AOPEP: variants seen among roughly 807,000 people sequenced by gnomAD.
The protein encoded by AOPEP is aminopeptidase O.
A neutral mutation model predicts 98.1 loss-of-function variants in AOPEP; 77 were observed. The ratio of observed to expected loss-of-function variants is 0.78; its 90% CI spans 0.65 to 0.95. The LOEUF is 0.95. AOPEP is among the 40% of genes least tolerant of loss of function. AOPEP has a pLI of 0.00. For missense variants in AOPEP, 1,024 were observed against 1,024.7 expected (o/e 1.00, Z 0.01); for synonymous variants, 346 against 365.3 (o/e 0.95, Z 0.60).
chr9:94,914,006 T>G (rs1340264275), intron 5 of AOPEP, among the ~76,000 whole-genome samples: 2 of 152,356 alleles, frequency 1.3e-5, no homozygotes, highest in East Asian at 3.9e-4. Flanking sequence ...AAGGGTTTGC[T>G]AAATCATCTT....
chr9:94,742,330 C>T (rs1253441632), intron 1 of AOPEP, among the ~76,000 whole-genome samples: 1 of 152,096 alleles, frequency 6.6e-6, no homozygotes, highest in Non-Finnish European at 1.5e-5. Context: ...GAGCTGTGCT[C>T]CTTGATGAGT....
chr9:94,858,132 A>G (rs1016333246), intron 5 of AOPEP, among the ~76,000 whole-genome samples: 1 of 151,810 alleles, frequency 6.6e-6, no homozygotes, highest in Admixed American at 6.6e-5. Context: ...TAATTGTTAC[A>G]TCGTTTTGTC....
intron 13 of AOPEP, among the ~76,000 whole-genome samples, chr9:95,016,144 C>T (rs1191128269): frequency 6.6e-6 from 1 of 151,288 alleles, no homozygotes; most frequent in African/African-American, 2.4e-5. Context: ...TTTTTTTTTC[C>T]CCCCACGGTA....
chr9:95,089,908 G>A (rs988341432), downstream of AOPEP, among the ~76,000 whole-genome samples: 1 of 152,212 alleles, frequency 6.6e-6, no homozygotes, highest in Non-Finnish European at 1.5e-5. Context: ...ACAAGCCAGC[G>A]CCTCCACTGA....
chr9:94,906,482 T>TAATAATAATAA (rs1367536683), intron 5 of AOPEP, among the ~76,000 whole-genome samples: 1 of 95,380 alleles, frequency 1.0e-5, no homozygotes, highest in Non-Finnish European at 3.0e-5. Context: ...ATAATAATAA[T>TAATAATAATAA]AAAAAAACAG....
At position 94,759,835 on chromosome 9, in the gene AOPEP, A is replaced by T. The variant is rs141638701; in HGVS notation, c.52A>T (p.Thr18Ser). The change falls in exon 2 of 17, where the codon ACC (threonine) becomes TCC (serine). Residue 18 changes from threonine to serine, a missense_variant. Physicochemically the swap from Thr to Ser is moderately conservative, Grantham distance 58 (BLOSUM62 1). Around this residue, in one of 3 missense-constraint regions of AOPEP, gnomAD observed 440 missense variants for 433.8 expected, o/e 1.01. Transcript: ENST00000375315. ...AGATGACCTGCCTCTCATGGCCAAC[A>T]CCAGCCACATACTTGTGAAGCACTA... The part of the protein sequence containing the change: ...ARDDLPLMAN[T>S]SHILVKHYVL... The T allele has an allele frequency of 1.9e-6, 3 of 1,614,010 alleles. No homozygotes were observed. In the Admixed American group the frequency reaches 5.0e-5, roughly 27 times the overall value.
intron 5 of AOPEP, among the ~76,000 whole-genome samples, chr9:94,855,215 C>T (rs577905300): frequency 2.7e-4 from 41 of 151,938 alleles, no homozygotes; most frequent in African/African-American, 9.9e-4. Context: ...GTAGCTGGGA[C>T]TACAGGCGTG....
At chr9:95,026,486 T>A (rs2063847024) in intron 13 of AOPEP, among the ~76,000 whole-genome samples, 1 of 152,254 alleles carries the variant, frequency 6.6e-6, no homozygotes, top group African/African-American at 2.4e-5. Context: ...TCACTTAGCA[T>A]AACGTATTGA....
At chr9:94,802,875 GGGGAA>G (rs1249473258) in intron 5 of AOPEP, among the ~76,000 whole-genome samples, 1 of 152,100 alleles carries the variant, frequency 6.6e-6, no homozygotes, top group African/African-American at 2.4e-5. Flanking sequence ...CAGGTGGGGT[GGGGAA>G]GGGAGGTGCT....
chr9:94,841,169 ATTTTTTT>A (rs67614379), intron 5 of AOPEP, among the ~76,000 whole-genome samples: 12 of 133,842 alleles, frequency 9.0e-5, no homozygotes, highest in Admixed American at 4.5e-4. Flanking sequence ...GCTCCACACA[ATTTTTTT>A]TTTTTTTTTT....
chr9:94,823,249 G>A (rs968800560), intron 5 of AOPEP, among the ~76,000 whole-genome samples: 2 of 152,180 alleles, frequency 1.3e-5, no homozygotes, highest in Non-Finnish European at 2.9e-5. Flanking sequence ...GCCCACCTCA[G>A]CCTCCCAAAG....
chr9:94,979,046 A>T (rs1564474921), intron 10 of AOPEP, among the ~76,000 whole-genome samples: 1 of 152,134 alleles, frequency 6.6e-6, no homozygotes, highest in Non-Finnish European at 1.5e-5. Context: ...GCCATGCCTG[A>T]TGTGTGCGAT....
intron 1 of AOPEP, among the ~76,000 whole-genome samples, chr9:94,754,947 C>A (rs1836671684): frequency 6.6e-6 from 1 of 152,138 alleles, no homozygotes; most frequent in African/African-American, 2.4e-5. Context: ...CTTCTTTGTG[C>A]CATAGCTCTG....
At chr9:95,120,771 A>G in the AOPEP span, among the ~76,000 whole-genome samples, 1 of 152,090 alleles carries the variant, frequency 6.6e-6, no homozygotes, top group Non-Finnish European at 1.5e-5. Flanking sequence ...CTGCCTTTTT[A>G]TTAGAATATT....
intron 5 of AOPEP, among the ~76,000 whole-genome samples, chr9:94,908,774 C>G (rs2136390424): frequency 6.6e-6 from 1 of 152,282 alleles, no homozygotes; most frequent in Middle Eastern, 3.4e-3. Flanking sequence ...ATTTGCAATG[C>G]ACAGATAAGG....
the AOPEP span, among the ~76,000 whole-genome samples, chr9:95,108,857 T>C: frequency 6.6e-6 from 1 of 152,252 alleles, no homozygotes; most frequent in South Asian, 2.1e-4. Flanking sequence ...CTCTCCATAA[T>C]GTACTATAAG....
At chr9:95,096,932 A>G in the AOPEP span, among the ~76,000 whole-genome samples, 8 of 152,248 alleles carry the variant, frequency 5.3e-5, no homozygotes, top group Non-Finnish European at 1.0e-4. Flanking sequence ...CCAGAGGGAG[A>G]GGCCAGCAGT....
At chr9:94,996,261 A>G (rs1158255494) in intron 11 of AOPEP, among the ~76,000 whole-genome samples, 1 of 152,184 alleles carries the variant, frequency 6.6e-6, no homozygotes, top group Non-Finnish European at 1.5e-5. Context: ...TTTGGTGAAC[A>G]AACATTCTGG....
intron 5 of AOPEP, among the ~76,000 whole-genome samples, chr9:94,903,183 A>G (rs1402871418): frequency 6.6e-6 from 1 of 151,590 alleles, no homozygotes; most frequent in Non-Finnish European, 1.5e-5. Flanking sequence ...GGGTTTTACC[A>G]TGTTGGCCAG....
Sources: allele counts gnomAD v4.1 joint callset (sites outside exome capture counted in the v4.1 genomes callset), GRCh38; gene constraint gnomAD v4.1.1; regional missense constraint gnomAD v4.1.1; transcripts MANE v1.5; gene names NCBI Gene and HGNC (gene_info 2026-07-23, HGNC 2026-07-21).